CCSER2: variants seen among roughly 807,000 people sequenced by gnomAD.
CCSER2 encodes the protein serine-rich coiled-coil domain-containing protein 2.
In CCSER2, 46 loss-of-function variants were observed where a neutral mutation model predicts 92.3. That is an observed-to-expected ratio of 0.50 (90% CI 0.39 to 0.64). CCSER2 has a LOEUF of 0.64. CCSER2 is among the 30% of genes least tolerant of loss of function. The pLI is 0.00. For synonymous variants in CCSER2, 433 were observed against 431.4 expected (o/e 1.00, Z -0.04); for missense variants, 1,244 against 1,238.9 (o/e 1.00, Z -0.06).
rs565376548 is a variant in CCSER2, at chr10:84,418,791, A to G, written c.1705+930A>G. The stretch of plus-strand genomic sequence containing the variant: ...GCCAGAATGCTGTATGGCATTCTCA[A>G]AATCTCAGTTGCTTTCAAAATAAAC... On this transcript the variant is annotated intron_variant, in intron 4 of 9. Transcript: ENST00000372088. Among the ~76,000 whole-genome samples the G allele has an allele frequency of 3.6e-4, 55 of 152,166 alleles. 1 individual carries two copies. The highest frequency in any genetic ancestry group is 8.5e-4 in the Admixed American group (13 of 15,266).
chr10:84,457,275 T>C (rs1296619896), intron 6 of CCSER2, among the ~76,000 whole-genome samples: 9 of 1,480 alleles, frequency 6.1e-3, no homozygotes, highest in African/African-American at 0.017. Flanking sequence ...TTATATATAA[T>C]ATATTATATA....
intron 7 of CCSER2, 105 bp from the exon 8 acceptor site, chr10:84,470,267 C>G (rs1295964434): frequency 1.7e-6 from 1 of 587,336 alleles, no homozygotes; most frequent in Non-Finnish European, 2.4e-6. Flanking sequence ...GATTTCCCCC[C>G]TAAATGACCA....
chr10:84,410,866 A>C (rs372042619), intron 3 of CCSER2, among the ~76,000 whole-genome samples: 3 of 152,176 alleles, frequency 2.0e-5, no homozygotes, highest in Non-Finnish European at 4.4e-5. Context: ...GGTATTGCCT[A>C]GATTTTCTTC....
At chr10:84,429,046 G>C (rs574918803) in intron 5 of CCSER2, among the ~76,000 whole-genome samples, 192 of 146,440 alleles carry the variant, frequency 1.3e-3, no homozygotes, top group African/African-American at 4.8e-3. Context: ...CTGTAGTTTT[G>C]TTTTGTTTTT....
intron 3 of CCSER2, among the ~76,000 whole-genome samples, chr10:84,396,622 TA>T (rs1196389445): frequency 6.6e-6 from 1 of 152,132 alleles, no homozygotes; most frequent in Non-Finnish European, 1.5e-5. Flanking sequence ...TTCTTCTTTT[TA>T]AAAAAATATT....
chr10:84,412,895 T>A (rs1471889639), intron 3 of CCSER2, among the ~76,000 whole-genome samples: 1 of 152,310 alleles, frequency 6.6e-6, no homozygotes, highest in East Asian at 1.9e-4. Flanking sequence ...GTCCAGGAAT[T>A]TATCTGTTTC....
In CCSER2 at chr10:84,515,996, A is replaced by G. The variant is rs1465389786; in HGVS notation, c.*1729A>G. 6.6e-6 allele frequency: 1 copy of G among 152,210 alleles called. No homozygotes were observed. Among genetic ancestry groups the G allele is most frequent in the Non-Finnish European group, 1.5e-5 (1 of 68,040 alleles). 9.4% of individuals were successfully genotyped at this position (152,210 alleles called of 1,614,324 possible). On this transcript the variant is annotated 3_prime_UTR_variant, in exon 10 of 10. Transcript: ENST00000372088. Reference sequence around the variant, plus strand: ...AAATGAATTAGTATCTTTCAGATAGATAACCTTACAAGGAGAATGTTTGTT... The same window carrying G: ...AAATGAATTAGTATCTTTCAGATAGGTAACCTTACAAGGAGAATGTTTGTT...
chr10:84,432,330 A>G (rs1843821481), intron 5 of CCSER2, among the ~76,000 whole-genome samples: 1 of 152,202 alleles, frequency 6.6e-6, no homozygotes, highest in Non-Finnish European at 1.5e-5. Context: ...TGTGATACTG[A>G]GGTTTGGGAT....
chr10:84,431,627 A>G (rs925508946), intron 5 of CCSER2, among the ~76,000 whole-genome samples: 2 of 152,056 alleles, frequency 1.3e-5, no homozygotes. Context: ...CTATAGTCCC[A>G]TCTACTTGGG....
intron 3 of CCSER2, among the ~76,000 whole-genome samples, chr10:84,390,311 C>T (rs1456068767): frequency 3.9e-5 from 6 of 152,080 alleles, no homozygotes; most frequent in African/African-American, 1.2e-4. Flanking sequence ...AATGGAAATA[C>T]ATTCTGAGAA....
intron 1 of CCSER2, among the ~76,000 whole-genome samples, chr10:84,338,088 A>G (rs867191625): frequency 5.3e-5 from 8 of 152,122 alleles, no homozygotes; most frequent in Middle Eastern, 6.8e-3. Context: ...CGAGACCAGC[A>G]TGACCAACAT....
At chr10:84,430,611 T>G (rs1474022820) in intron 5 of CCSER2, among the ~76,000 whole-genome samples, 1 of 152,172 alleles carries the variant, frequency 6.6e-6, no homozygotes, top group African/African-American at 2.4e-5. Flanking sequence ...CTAAACCCAT[T>G]TTGTCCCCCA....
intron 7 of CCSER2, among the ~76,000 whole-genome samples, chr10:84,464,227 A>G (rs954832314): frequency 6.6e-6 from 1 of 152,190 alleles, no homozygotes; most frequent in Non-Finnish European, 1.5e-5. Flanking sequence ...TTGTATTACT[A>G]CTGTTGCAGG....
rs748950913 is a variant in CCSER2, at chr10:84,470,392, A to T, written c.2169A>T (p.Glu723Asp). 4 of 1,360,992 alleles carry T rather than the reference A, an allele frequency of 2.9e-6. No individual in the cohort carries two copies. Among genetic ancestry groups the T allele is most frequent in the Middle Eastern group, 2.0e-4 (1 of 5,114 alleles). 84.3% of individuals were successfully genotyped at this position (1,360,992 alleles called of 1,614,324 possible). ...TTCAGAATGAAGATTTATTAAATGAAATAAAACAACTTAAAGACGAAATAA... is the reference window on the plus strand; with the variant it reads ...TTCAGAATGAAGATTTATTAAATGATATAAAACAACTTAAAGACGAAATAA... Reference protein sequence around the residue: ...KVYKNEDLLNEIKQLKDEIKK... With the variant: ...KVYKNEDLLNDIKQLKDEIKK... Residue 723 changes from glutamate (E) to aspartate (D), a missense_variant, in exon 8 of 10, where the codon GAA (glutamate) becomes GAT (aspartate). Glu to Asp is a conservative substitution (Grantham distance 45, BLOSUM62 2). Transcript: ENST00000372088.
chr10:84,501,328 C>T (rs1332232402), intron 9 of CCSER2, among the ~76,000 whole-genome samples: 14 of 152,204 alleles, frequency 9.2e-5, no homozygotes. Context: ...GGCCAGTAAA[C>T]AGCAAGGTTT....
chr10:84,412,825 T>C (rs12267108), intron 3 of CCSER2, among the ~76,000 whole-genome samples: 130,102 of 152,224 alleles, frequency 0.85, 55,679 homozygotes, highest in East Asian at 0.9. Flanking sequence ...AGCAGACATG[T>C]AAGCCCTGCC....
At chr10:84,435,876 A>G (rs982876309) in intron 5 of CCSER2, among the ~76,000 whole-genome samples, 4 of 152,146 alleles carry the variant, frequency 2.6e-5, no homozygotes, top group Admixed American at 2.6e-4. Context: ...TGTTCTCTGA[A>G]GTAGTGTCAG....
chr10:84,512,911 A>C (rs1378144954), intron 9 of CCSER2, among the ~76,000 whole-genome samples: 1 of 152,276 alleles, frequency 6.6e-6, no homozygotes, highest in Admixed American at 6.5e-5. Flanking sequence ...TATTTGTTAA[A>C]TAAATAGAAT....
At chr10:84,378,343 A>G (rs1846451094) in intron 3 of CCSER2, among the ~76,000 whole-genome samples, 1 of 151,848 alleles carries the variant, frequency 6.6e-6, no homozygotes, top group Non-Finnish European at 1.5e-5. Flanking sequence ...CTTAGAATAC[A>G]TTCACTTGGT....
Sources: allele counts gnomAD v4.1 joint callset (sites outside exome capture counted in the v4.1 genomes callset), GRCh38; gene constraint gnomAD v4.1.1; transcripts MANE v1.5; gene names NCBI Gene and HGNC (gene_info 2026-07-23, HGNC 2026-07-21).